FSTL4: variants seen among roughly 807,000 people sequenced by gnomAD.
FSTL4 encodes follistatin like 4.
Under a neutral mutation model 78.2 loss-of-function variants are expected in FSTL4, and 28 were observed. The observed-to-expected ratio is 0.36, with a 90% CI of 0.27 to 0.49. FSTL4 has a LOEUF of 0.49. Ranked by LOEUF, FSTL4 falls within the 20% of genes least tolerant of loss-of-function variation. The probability of loss-of-function intolerance (pLI) is 0.98; values close to 1 mark genes in which losing one functional copy is unlikely to be tolerated. For synonymous variants in FSTL4, 422 were observed against 440.5 expected (o/e 0.96, Z 0.53); for missense variants, 922 against 1,084.9 (o/e 0.85, Z 2.11).
intron 7 of FSTL4, among the ~76,000 whole-genome samples, chr5:133,242,396 A>G (rs1751901048): frequency 6.6e-6 from 1 of 151,720 alleles, no homozygotes; most frequent in Admixed American, 6.6e-5. Flanking sequence ...TCAGGGAGGA[A>G]GAGACTCTGT....
At chr5:133,789,122 G>T in the FSTL4 span, among the ~76,000 whole-genome samples, 1 of 152,196 alleles carries the variant, frequency 6.6e-6, no homozygotes, top group Non-Finnish European at 1.5e-5. Context: ...GGATATACAG[G>T]TAGGGCACAT....
At chr5:133,219,352 A>G (rs1469293305) in intron 12 of FSTL4, among the ~76,000 whole-genome samples, 1 of 152,208 alleles carries the variant, frequency 6.6e-6, no homozygotes, top group Non-Finnish European at 1.5e-5. Flanking sequence ...TTTAATCCTT[A>G]TATAATCCCA....
chr5:133,604,850 G>T (rs1482911581), intron 1 of FSTL4, among the ~76,000 whole-genome samples: 1 of 148,188 alleles, frequency 6.7e-6, no homozygotes, highest in Non-Finnish European at 1.5e-5. Context: ...CATTTTTTGT[G>T]GCAGAATCCA....
chr5:133,210,656 T>A (rs1750681038), intron 13 of FSTL4, among the ~76,000 whole-genome samples: 1 of 151,938 alleles, frequency 6.6e-6, no homozygotes, highest in South Asian at 2.1e-4. Flanking sequence ...CACGCCCTGC[T>A]AACTTTGTAT....
intron 3 of FSTL4, among the ~76,000 whole-genome samples, chr5:133,467,540 C>T (rs564116484): frequency 6.6e-6 from 1 of 152,264 alleles, no homozygotes; most frequent in South Asian, 2.1e-4. Flanking sequence ...AGGAGGGCAG[C>T]TGGGAGGAAG....
chr5:133,270,859 G>A (rs1035932707), intron 6 of FSTL4, among the ~76,000 whole-genome samples: 8 of 152,178 alleles, frequency 5.3e-5, no homozygotes, highest in Non-Finnish European at 8.8e-5. Flanking sequence ...GGGTTGCATA[G>A]TCATAATCCG....
intron 2 of FSTL4, among the ~76,000 whole-genome samples, chr5:133,569,117 A>G (rs916127003): frequency 6.6e-6 from 1 of 152,242 alleles, no homozygotes; most frequent in African/African-American, 2.4e-5. Context: ...TATTTATTTT[A>G]TAACCAGCTT....
intron 3 of FSTL4, among the ~76,000 whole-genome samples, chr5:133,500,192 A>G (rs1029615440): frequency 3.9e-5 from 6 of 152,048 alleles, no homozygotes; most frequent in Admixed American, 3.9e-4. Flanking sequence ...AAGTCTTTAC[A>G]CTTTCATTTC....
the FSTL4 span, among the ~76,000 whole-genome samples, chr5:133,832,795 G>A: frequency 3.3e-5 from 5 of 152,200 alleles, no homozygotes; most frequent in African/African-American, 1.2e-4. Context: ...CATACATTAA[G>A]GCTTTGTGGT....
rs191720367 is a variant in FSTL4 at position 133,523,868 on chromosome 5, G to A, written c.160+43318C>T. Among the ~76,000 whole-genome samples, 4 of 152,290 alleles carry A rather than the reference G, an allele frequency of 2.6e-5. No individual in the cohort carries two copies. The East Asian group carries it at 5.8e-4, about 22-fold the overall frequency. ...GAGAGGACATTTTTGTCTTAGAGCC[G>A]ACATCCTAGTCCACTGTACAGACAT... On this transcript the variant is annotated intron_variant, in intron 3 of 15. Coordinates refer to ENST00000265342, the MANE Select transcript of FSTL4 (RefSeq NM_015082.2).
intron 7 of FSTL4, among the ~76,000 whole-genome samples, chr5:133,234,625 T>A (rs1751600356): frequency 6.6e-6 from 1 of 152,184 alleles, no homozygotes; most frequent in Admixed American, 6.5e-5. Flanking sequence ...TGCTCAGAGC[T>A]GATGGTACAG....
At chr5:133,385,863 C>T (rs1387894305) in intron 4 of FSTL4, among the ~76,000 whole-genome samples, 1 of 152,150 alleles carries the variant, frequency 6.6e-6, no homozygotes, top group Non-Finnish European at 1.5e-5. Context: ...CAGAAAGTTG[C>T]CTTCAGAACA....
intron 3 of FSTL4, among the ~76,000 whole-genome samples, chr5:133,460,479 G>A (rs774163945): frequency 6.6e-6 from 1 of 152,160 alleles, no homozygotes; most frequent in African/African-American, 2.4e-5. Flanking sequence ...ATTGCTTCTC[G>A]CATGAACACA....
At chr5:133,581,889 G>A (rs1429508140) in intron 2 of FSTL4, among the ~76,000 whole-genome samples, 1 of 152,358 alleles carries the variant, frequency 6.6e-6, no homozygotes, top group Non-Finnish European at 1.5e-5. Flanking sequence ...GGCCTGGCCA[G>A]TGCTCTGCAC....
At chr5:133,419,048 C>T (rs933670107) in intron 3 of FSTL4, among the ~76,000 whole-genome samples, 6 of 152,200 alleles carry the variant, frequency 3.9e-5, no homozygotes, top group African/African-American at 9.7e-5. Context: ...TTTTGAGATT[C>T]GTTCATGTTA....
At chr5:133,799,158 G>C in the FSTL4 span, among the ~76,000 whole-genome samples, 3 of 137,130 alleles carry the variant, frequency 2.2e-5, 1 homozygote, top group African/African-American at 8.1e-5. Context: ...GGTTCCACGT[G>C]CCCCTCTTCC....
chr5:133,199,747 A>G lies in FSTL4; in HGVS notation c.1877T>C (p.Leu626Pro), dbSNP rs1209021891. Reference sequence around the variant, plus strand: ...GGTCTTGAGGGGCATCATTGTTTCCAGGTCCACCTTGTGGACTGCAGGATC... The same window carrying G: ...GGTCTTGAGGGGCATCATTGTTTCCGGGTCCACCTTGTGGACTGCAGGATC... Reference protein sequence around the residue: ...KSDPAVHKVDLETMMPLKTIG... With the variant: ...KSDPAVHKVDPETMMPLKTIG... The change falls in exon 16 of 16, where the codon CTG becomes CCG. Residue 626 changes from leucine (L) to proline (P), a missense_variant. Transcript: ENST00000265342. This position sits in a 1 kb window ranked among gnomAD's most constrained non-coding sequence, Gnocchi z 4.4. 1.3e-6 allele frequency: 2 copies of G among 1,595,172 alleles called. No homozygotes were observed. Among genetic ancestry groups the G allele is most frequent in the Non-Finnish European group, 1.7e-6 (2 of 1,170,284 alleles).
intron 7 of FSTL4, among the ~76,000 whole-genome samples, chr5:133,237,777 G>C (rs536716236): frequency 2.6e-5 from 4 of 151,796 alleles, no homozygotes; most frequent in Non-Finnish European, 5.9e-5. Context: ...TTCCTCTCCT[G>C]AATGTTCTTT....
At chr5:133,638,481 C>G in the FSTL4 span, among the ~76,000 whole-genome samples, 1 of 152,138 alleles carries the variant, frequency 6.6e-6, no homozygotes, top group Non-Finnish European at 1.5e-5. Context: ...TGCTGCAGCT[C>G]CACTGGCCTC....
Sources: gnomAD v4.1 joint callset for allele counts (sites outside exome capture counted in the v4.1 genomes callset) on GRCh38, gnomAD v4.1.1 for gene constraint, Gnocchi (gnomAD v3.1) non-coding constraint, MANE v1.5 for transcripts, NCBI Gene and HGNC (gene_info 2026-07-23, HGNC 2026-07-21) for gene names.